Variants in PCBD2 observed in about 807,000 individuals in gnomAD.
PCBD2 encodes the protein pterin-4-alpha-carbinolamine dehydratase 2.
In PCBD2, 12 loss-of-function variants were observed where a neutral mutation model predicts 16.4. The observed-to-expected ratio is 0.73, with a 90% CI of 0.47 to 1.19. PCBD2 has a LOEUF of 1.19. Ranked by LOEUF, PCBD2 falls within the 50% of genes most tolerant of loss-of-function variation. The probability of loss-of-function intolerance (pLI) is 0.00; values close to 1 mark genes in which losing one functional copy is unlikely to be tolerated. For synonymous variants in PCBD2, 58 were observed against 61.8 expected, an observed-to-expected ratio of 0.94 and a Z score of 0.29; for missense variants, 138 against 156.8, an observed-to-expected ratio of 0.88 and a Z score of 0.64.
chr5:134,920,557 G>T (rs1217833939), intron 2 of PCBD2, among the ~76,000 whole-genome samples: 1 of 152,210 alleles, frequency 6.6e-6, no homozygotes, highest in Non-Finnish European at 1.5e-5. Context: ...AGCAATCAAA[G>T]GTCATTTAAT....
chr5:134,914,089 G>A (rs1387471185), intron 2 of PCBD2, among the ~76,000 whole-genome samples: 2 of 152,166 alleles, frequency 1.3e-5, no homozygotes, highest in Non-Finnish European at 2.9e-5. Flanking sequence ...GTTGTCAGAG[G>A]GGATCACTGT....
intron 2 of PCBD2, among the ~76,000 whole-genome samples, chr5:134,955,876 G>A (rs1751409517): frequency 6.6e-6 from 1 of 152,162 alleles, no homozygotes; most frequent in Admixed American, 6.5e-5. Flanking sequence ...AGGAGCAGAT[G>A]CTTTTCACCA....
intron 2 of PCBD2, among the ~76,000 whole-genome samples, chr5:134,918,509 A>T (rs1026587872): frequency 5.9e-5 from 9 of 152,188 alleles, no homozygotes; most frequent in Non-Finnish European, 1.2e-4. Flanking sequence ...CTCAAAAAAT[A>T]AAATAAAATA....
Position 134,906,194 on chromosome 5 carries a change from A to ATTTTTTTTTTTTTTTTT in PCBD2, c.84+982_84+998dup, listed in dbSNP as rs1158334317. On this transcript the variant is annotated intron_variant, in intron 1 of 3. Transcript: ENST00000254908. The stretch of plus-strand genomic sequence containing the variant: ...TGGCCTGAAATTCTTTAATAGAAGA[A>ATTTTTTTTTTTTTTTTT]TTTTTTTTTTTTTTTTTTTTTTTTT... Among the ~76,000 whole-genome samples, 28 of 66,520 alleles carry ATTTTTTTTTTTTTTTTT rather than the reference A, an allele frequency of 4.2e-4. 5 individuals carry two copies. The highest frequency in any genetic ancestry group is 1.8e-3 in the African/African-American group (26 of 14,660). 43.6% of individuals were successfully genotyped at this position (66,520 alleles called of 152,430 possible).
chr5:134,905,435 T>G lies in PCBD2; in HGVS notation c.84+212T>G, dbSNP rs534145470. 1.5e-4 allele frequency: 57 copies of G among 383,386 alleles called. No individual in the cohort carries two copies. The Middle Eastern group carries it at 2.0e-3, about 14-fold the overall frequency. 23.7% of individuals were successfully genotyped at this position (383,386 alleles called of 1,614,324 possible). A position where few individuals can be genotyped will look rare whatever the true frequency, so the allele number is the denominator to read the frequency against. On this transcript the variant is annotated intron_variant, in intron 1 of 3. Coordinates refer to ENST00000254908, the MANE Select transcript of PCBD2 (RefSeq NM_032151.5). ...TGGCCGCAGCCTCCGCCACTTGCCC[T>G]TGACTTTACACTTCCGCCGAAGCCT...
chr5:134,947,677 G>A (rs1253074637), intron 2 of PCBD2, among the ~76,000 whole-genome samples: 2 of 151,988 alleles, frequency 1.3e-5, no homozygotes, highest in Non-Finnish European at 2.9e-5. Context: ...GTGAGCCACC[G>A]CGCTCGGCCC....
At chr5:134,948,842 G>A (rs1025700716) in intron 2 of PCBD2, among the ~76,000 whole-genome samples, 13 of 151,992 alleles carry the variant, frequency 8.6e-5, no homozygotes, top group African/African-American at 3.1e-4. Flanking sequence ...TTTAAAAAAT[G>A]TACTTATTAC....
At chr5:134,948,023 T>A (rs1248655812) in intron 2 of PCBD2, among the ~76,000 whole-genome samples, 4 of 152,186 alleles carry the variant, frequency 2.6e-5, no homozygotes, top group Non-Finnish European at 5.9e-5. Context: ...CCCCAGTGAA[T>A]TGCAAAGCAT....
chr5:134,936,238 T>G (rs1751157685), intron 2 of PCBD2, among the ~76,000 whole-genome samples: 1 of 152,262 alleles, frequency 6.6e-6, no homozygotes, highest in Admixed American at 6.5e-5. Flanking sequence ...CCTGGCTTGC[T>G]GTGCAGGTTC....
At position 134,910,600 on chromosome 5, in the gene PCBD2, G is replaced by C. The variant is rs372978805; in HGVS notation, c.216+134G>C. 44 of 1,141,058 alleles carry C rather than the reference G, an allele frequency of 3.9e-5. No individual in the cohort carries two copies. In the African/African-American group the frequency reaches 5.0e-4, roughly 13 times the overall value. 70.7% of individuals were successfully genotyped at this position (1,141,058 alleles called of 1,614,324 possible). ...CTCTTCCCTTCTTTAAGAATTCAGT[G>C]ATAGAGTGACATCCTTGTTGACAGT... On this transcript the variant is annotated intron_variant, in intron 2 of 3. Coordinates refer to ENST00000254908, the MANE Select transcript of PCBD2 (RefSeq NM_032151.5).
intron 2 of PCBD2, chr5:134,925,763 G>T (rs1750984331): frequency 2.5e-6 from 1 of 396,110 alleles, no homozygotes; most frequent in African/African-American, 2.1e-5. Context: ...GCTGAGGGGA[G>T]TCAGGGGTGA....
At chr5:134,943,120 T>C (rs929698866) in intron 2 of PCBD2, among the ~76,000 whole-genome samples, 1 of 152,186 alleles carries the variant, frequency 6.6e-6, no homozygotes, top group Non-Finnish European at 1.5e-5. Flanking sequence ...TAACTTCTGG[T>C]ACATGGATTA....
At chr5:134,945,443 G>A (rs544251743) in intron 2 of PCBD2, among the ~76,000 whole-genome samples, 1 of 152,206 alleles carries the variant, frequency 6.6e-6, no homozygotes, top group African/African-American at 2.4e-5. Flanking sequence ...CTTTCTTTCA[G>A]GATATTGTGA....
chr5:134,906,608 G>A (rs2149529029), intron 1 of PCBD2, among the ~76,000 whole-genome samples: 1 of 152,266 alleles, frequency 6.6e-6, no homozygotes, highest in East Asian at 1.9e-4. Context: ...TGCCCCAGGT[G>A]CTAGTGATCC....
At chr5:134,905,564 CGTT>C (rs1750676475) in intron 1 of PCBD2, 1 of 213,802 alleles carries the variant, frequency 4.7e-6, no homozygotes, top group African/African-American at 2.3e-5. Context: ...CGCTGCCGCT[CGTT>C]GTGCTGAGGA....
intron 1 of PCBD2, among the ~76,000 whole-genome samples, chr5:134,907,521 A>T (rs1305026785): frequency 6.7e-6 from 1 of 149,884 alleles, no homozygotes; most frequent in African/African-American, 2.5e-5. Flanking sequence ...GATTACAGGC[A>T]TGAGCCACCA....
At chr5:134,922,352 T>C (rs2149532255) in intron 2 of PCBD2, among the ~76,000 whole-genome samples, 1 of 152,160 alleles carries the variant, frequency 6.6e-6, no homozygotes, top group South Asian at 2.1e-4. Flanking sequence ...GCTCCTCAGT[T>C]CAGTTCTTTT....
At chr5:134,945,929 G>A (rs1336237911) in intron 2 of PCBD2, among the ~76,000 whole-genome samples, 1 of 152,062 alleles carries the variant, frequency 6.6e-6, no homozygotes, top group East Asian at 1.9e-4. Flanking sequence ...GCTAGGATTA[G>A]CATTTTTCAG....
intron 2 of PCBD2, among the ~76,000 whole-genome samples, chr5:134,912,613 A>G (rs896174042): frequency 4.6e-5 from 7 of 152,236 alleles, no homozygotes; most frequent in African/African-American, 1.7e-4. Context: ...AAGAAGCAAT[A>G]GTCACTCATT....
Sources: allele counts gnomAD v4.1 joint callset (sites outside exome capture counted in the v4.1 genomes callset), GRCh38; gene constraint gnomAD v4.1.1; transcripts MANE v1.5; gene names NCBI Gene and HGNC (gene_info 2026-07-23, HGNC 2026-07-21).